The following CDH12 variants were observed in gnomAD, a reference collection of about 807,000 sequenced individuals.
The protein encoded by CDH12 is cadherin 12.
A neutral mutation model predicts 74.1 loss-of-function variants in CDH12; 41 were observed. That is an observed-to-expected ratio of 0.55 (90% CI 0.43 to 0.72). The LOEUF is 0.72. Among genes scored for constraint, CDH12 ranks in the 30% least tolerant of loss-of-function variants. The probability of loss-of-function intolerance (pLI) is 0.00; values close to 1 mark genes in which losing one functional copy is unlikely to be tolerated. For missense variants in CDH12, 945 were observed against 977.2 expected (o/e 0.97, Z 0.44); for synonymous variants, 399 against 355.0 (o/e 1.12, Z -1.39).
chr5:21,991,126 C>T (rs1757730695), intron 5 of CDH12, among the ~76,000 whole-genome samples: 1 of 151,772 alleles, frequency 6.6e-6, no homozygotes, highest in Non-Finnish European at 1.5e-5. Context: ...ATACTTTCGA[C>T]TGCCCATTAG....
At chr5:22,822,013 G>T (rs1005714298) in intron 1 of CDH12, among the ~76,000 whole-genome samples, 42 of 152,128 alleles carry the variant, frequency 2.8e-4, no homozygotes, top group Non-Finnish European at 5.1e-4. Context: ...AAAACAGTGT[G>T]GTACTGGTAC....
intron 3 of CDH12, among the ~76,000 whole-genome samples, chr5:22,308,847 TAC>T (rs1215491497): frequency 5.3e-5 from 3 of 56,848 alleles, no homozygotes; most frequent in African/African-American, 1.5e-4. Context: ...CACACACACA[TAC>T]ACACAGAGAG....
chr5:21,779,451 GAAGTA>G (rs1243188930), intron 11 of CDH12: 4 of 152,272 alleles, frequency 2.6e-5, no homozygotes, highest in Middle Eastern at 3.4e-3. Flanking sequence ...TAATTTGAAT[GAAGTA>G]AAGTTTGGAG....
At chr5:22,669,274 CT>C (rs1740782898) in intron 1 of CDH12, among the ~76,000 whole-genome samples, 1 of 152,054 alleles carries the variant, frequency 6.6e-6, no homozygotes, top group Admixed American at 6.6e-5. Context: ...TGTTTATTTT[CT>C]CATTTGAAGC....
intron 1 of CDH12, among the ~76,000 whole-genome samples, chr5:22,508,026 A>T (rs1393898068): frequency 6.6e-6 from 1 of 152,188 alleles, no homozygotes; most frequent in Non-Finnish European, 1.5e-5. Flanking sequence ...CTCATTTTTA[A>T]GAATGCATGT....
chr5:22,669,980 A>G (rs906815305), intron 1 of CDH12, among the ~76,000 whole-genome samples: 2 of 152,170 alleles, frequency 1.3e-5, no homozygotes, highest in African/African-American at 4.8e-5. Flanking sequence ...TTCACTCTTA[A>G]TTAAGCCATT....
chr5:22,474,089 T>C (rs2126610434), intron 2 of CDH12, among the ~76,000 whole-genome samples: 1 of 152,240 alleles, frequency 6.6e-6, no homozygotes, highest in Admixed American at 6.5e-5. Context: ...TAACTAAGAA[T>C]TTAGTAATGA....
Position 22,809,901 on chromosome 5 carries a change from A to G in CDH12, c.-523+43157T>C, listed in dbSNP as rs1317784755. Among the ~76,000 whole-genome samples, 3 of 152,250 alleles carry G rather than the reference A, an allele frequency of 2.0e-5. No homozygotes were observed. In the East Asian group the frequency reaches 5.8e-4, roughly 29 times the overall value. ...TGTTATATGAAAAGTTTACCCAATAAATATACTAATTCAAGATTAATTCAA... is the reference window on the plus strand; with the variant it reads ...TGTTATATGAAAAGTTTACCCAATAGATATACTAATTCAAGATTAATTCAA... On this transcript the variant is annotated intron_variant, in intron 1 of 14. Coordinates refer to ENST00000382254, the MANE Select transcript of CDH12 (RefSeq NM_004061.5).
rs113191174 is a variant in CDH12 at position 22,272,834 on chromosome 5, C to G, written c.-332-60191G>C. On this transcript the variant is annotated intron_variant, in intron 3 of 14. Transcript: ENST00000382254. ...TGCTGCTATGAAGAAATACTCAAGA[C>G]TGGGTAATTTACAAAGGAAAGAAGT... Among the ~76,000 whole-genome samples the G allele has an allele frequency of 9.0e-3, 1,377 of 152,232 alleles. 18 individuals are homozygous for G. The highest frequency in any genetic ancestry group is 0.032 in the African/African-American group (1,321 of 41,542).
chr5:21,973,018 A>C (rs1290432295), intron 6 of CDH12, among the ~76,000 whole-genome samples: 1 of 150,138 alleles, frequency 6.7e-6, no homozygotes, highest in Non-Finnish European at 1.5e-5. Context: ...AGCCTGGGCA[A>C]CATAGCTAGA....
At chr5:22,557,208 C>A (rs1235840741) in intron 1 of CDH12, among the ~76,000 whole-genome samples, 1 of 152,018 alleles carries the variant, frequency 6.6e-6, no homozygotes. Flanking sequence ...CATACGTTTT[C>A]ACATATTCTA....
At chr5:21,971,432 C>T (rs1391816599) in intron 6 of CDH12, among the ~76,000 whole-genome samples, 2 of 152,048 alleles carry the variant, frequency 1.3e-5, no homozygotes, top group Admixed American at 1.3e-4. Flanking sequence ...TTAGTTAGAT[C>T]ACATGGCACC....
chr5:21,992,910 G>A (rs1464986169), intron 5 of CDH12, among the ~76,000 whole-genome samples: 2 of 152,122 alleles, frequency 1.3e-5, no homozygotes. Context: ...GCACGGCTGG[G>A]GAGGCCTCAG....
At chr5:22,288,840 C>A (rs1027767092) in intron 3 of CDH12, among the ~76,000 whole-genome samples, 9 of 152,012 alleles carry the variant, frequency 5.9e-5, no homozygotes, top group African/African-American at 2.2e-4. Context: ...AATATAATAA[C>A]AACTTAAATC....
At chr5:22,067,132 C>T (rs562478280) in intron 5 of CDH12, among the ~76,000 whole-genome samples, 1 of 152,158 alleles carries the variant, frequency 6.6e-6, no homozygotes, top group South Asian at 2.1e-4. Context: ...ATCTTGATTA[C>T]CTTTTCTTTT....
intron 3 of CDH12, among the ~76,000 whole-genome samples, chr5:22,314,388 A>G (rs1738523155): frequency 6.6e-6 from 1 of 152,170 alleles, no homozygotes; most frequent in African/African-American, 2.4e-5. Flanking sequence ...CTAATCCAGT[A>G]TGGGTGATGT....
At chr5:22,247,572 G>A (rs1380703351) in intron 3 of CDH12, among the ~76,000 whole-genome samples, 1 of 152,130 alleles carries the variant, frequency 6.6e-6, no homozygotes, top group Non-Finnish European at 1.5e-5. Context: ...CTGCAGGAGA[G>A]GCTGAGGCAG....
intron 10 of CDH12, among the ~76,000 whole-genome samples, chr5:21,796,445 C>G (rs910769822): frequency 6.6e-6 from 1 of 151,960 alleles, no homozygotes; most frequent in Admixed American, 6.6e-5. Context: ...ATATCGTTTT[C>G]ACACCATTGC....
intron 4 of CDH12, among the ~76,000 whole-genome samples, chr5:22,150,064 C>T (rs905566019): frequency 2.4e-4 from 37 of 152,160 alleles, no homozygotes; most frequent in Admixed American, 4.6e-4. Context: ...CATTCAAGTA[C>T]GTACACATTA....
Sources: allele counts gnomAD v4.1 joint callset (sites outside exome capture counted in the v4.1 genomes callset), GRCh38; gene constraint gnomAD v4.1.1; transcripts MANE v1.5; gene names NCBI Gene and HGNC (gene_info 2026-07-23, HGNC 2026-07-21).